The following GPM6A variants were observed in gnomAD, a reference collection of about 807,000 sequenced individuals.
The protein encoded by GPM6A is glycoprotein M6A, also known as neuronal membrane glycoprotein M6-a.
GPM6A carries 7 observed loss-of-function variants against 32.1 expected under a neutral mutation model. The ratio of observed to expected loss-of-function variants is 0.22; its 90% CI spans 0.12 to 0.41. GPM6A has a LOEUF of 0.41. Ranked by LOEUF, GPM6A falls within the 10% of genes least tolerant of loss-of-function variation. The probability of loss-of-function intolerance (pLI) is 1.00; values close to 1 mark genes in which losing one functional copy is unlikely to be tolerated. For synonymous variants in GPM6A, 130 were observed against 123.4 expected, an observed-to-expected ratio of 1.05 and a Z score of -0.35; for missense variants, 235 against 347.2, an observed-to-expected ratio of 0.68 and a Z score of 2.57.
chr4:175,747,122 T>C (rs1732136138), intron 1 of GPM6A, among the ~76,000 whole-genome samples: 1 of 151,808 alleles, frequency 6.6e-6, no homozygotes, highest in East Asian at 1.9e-4. Context: ...ATGCAAAAAT[T>C]AGCTGGGCGT....
chr4:175,735,081 C>T (rs1359148580), intron 1 of GPM6A, among the ~76,000 whole-genome samples: 1 of 152,096 alleles, frequency 6.6e-6, no homozygotes, highest in East Asian at 1.9e-4. Context: ...GCATTTGGTG[C>T]AACTTATAAT....
At chr4:175,962,899 T>C (rs1740212197) in intron 1 of GPM6A, among the ~76,000 whole-genome samples, 1 of 151,944 alleles carries the variant, frequency 6.6e-6, no homozygotes, top group Non-Finnish European at 1.5e-5. Context: ...ACAACTATGA[T>C]TAATAAGGAC....
intron 1 of GPM6A, among the ~76,000 whole-genome samples, chr4:175,896,925 T>C (rs1245197551): frequency 6.6e-6 from 1 of 152,134 alleles, no homozygotes; most frequent in Non-Finnish European, 1.5e-5. Context: ...TTGAATAGTG[T>C]ATCAGGGAAA....
At chr4:175,866,015 TTA>T (rs1736722514) in intron 1 of GPM6A, among the ~76,000 whole-genome samples, 1 of 152,244 alleles carries the variant, frequency 6.6e-6, no homozygotes, top group Admixed American at 6.5e-5. Flanking sequence ...CTATTACAAT[TTA>T]TATGTTTTCT....
chr4:175,872,871 T>C (rs1171789049), intron 1 of GPM6A: 1 of 152,174 alleles, frequency 6.6e-6, no homozygotes, highest in African/African-American at 2.4e-5. Context: ...GAGTTCTTTC[T>C]AACAAGTCTT....
chr4:175,788,167 G>C (rs998090820), intron 1 of GPM6A: 1 of 152,160 alleles, frequency 6.6e-6, no homozygotes, highest in South Asian at 2.1e-4. Context: ...ATGGAAAGGG[G>C]AGAGAGAGGA....
In GPM6A at chr4:175,913,478, C is replaced by T. The variant is rs532707423; in HGVS notation, c.-23+88831G>A. ...GATTGATCATGCCTTTGCTCACAAC[C>T]CTGCAAAGGTTCCCATTTCATTCAG... On this transcript the variant is annotated intron_variant, in intron 1 of 7. Coordinates refer to the GPM6A transcript ENST00000280187. 2.6e-4 allele frequency among the ~76,000 whole-genome samples: 40 copies of T among 152,282 alleles called. 2 individuals are homozygous for T. The highest frequency in any genetic ancestry group is 9.4e-4 in the African/African-American group (39 of 41,554).
At chr4:175,708,825 T>G (rs1745365058) in intron 1 of GPM6A, among the ~76,000 whole-genome samples, 1 of 152,216 alleles carries the variant, frequency 6.6e-6, no homozygotes, top group Non-Finnish European at 1.5e-5. Flanking sequence ...TTTTGCTTTC[T>G]TGTTTTCTAG....
upstream of GPM6A, among the ~76,000 whole-genome samples, chr4:175,815,402 T>C (rs2111339120): frequency 6.6e-6 from 1 of 152,348 alleles, no homozygotes; most frequent in Admixed American, 6.5e-5. Flanking sequence ...CTCCAGTATC[T>C]TAAACTAGTT....
chr4:175,713,749 T>C (rs1745681797), intron 1 of GPM6A, among the ~76,000 whole-genome samples: 1 of 152,186 alleles, frequency 6.6e-6, no homozygotes, highest in Non-Finnish European at 1.5e-5. Flanking sequence ...GAAACATCTT[T>C]AAACAGGAAA....
rs200551805 is a variant in GPM6A, at chr4:175,987,993, G to GA, written c.-23+14315dup. On this transcript the variant is annotated intron_variant, in intron 1 of 7. Coordinates refer to the GPM6A transcript ENST00000280187. Reference sequence around the variant, plus strand: ...GAATTATTTGTTAGTTGTGAAAAGAGAAAAAATCCATTTGTATTTATAAAT... The same window carrying GA: ...GAATTATTTGTTAGTTGTGAAAAGAGAAAAAAATCCATTTGTATTTATAAAT... 7.7e-3 allele frequency among the ~76,000 whole-genome samples: 1,171 copies of GA among 152,046 alleles called. 22 individuals carry two copies. Among genetic ancestry groups the GA allele is most frequent in the African/African-American group, 0.027 (1,121 of 41,520 alleles).
chr4:175,820,853 G>C (rs761124767), intron 1 of GPM6A, among the ~76,000 whole-genome samples: 1 of 152,074 alleles, frequency 6.6e-6, no homozygotes. Context: ...GTCTCTTTTC[G>C]CAACTTCTTC....
At chr4:175,637,366 CATATA>C (rs1484844064) in intron 6 of GPM6A, among the ~76,000 whole-genome samples, 4 of 49,082 alleles carry the variant, frequency 8.1e-5, no homozygotes, top group East Asian at 4.9e-4. Context: ...TAATATATAA[CATATA>C]ATATATTATA....
At chr4:175,725,534 C>T (rs1329277011) in intron 1 of GPM6A, among the ~76,000 whole-genome samples, 1 of 152,118 alleles carries the variant, frequency 6.6e-6, no homozygotes, top group Non-Finnish European at 1.5e-5. Context: ...TCAAGAGATC[C>T]TCCCATCTCA....
chr4:175,743,903 C>T (rs937933937), intron 1 of GPM6A, among the ~76,000 whole-genome samples: 1 of 147,302 alleles, frequency 6.8e-6, no homozygotes, highest in African/African-American at 2.5e-5. Context: ...GGAAAATGAA[C>T]AAATGTAAAG....
intron 3 of GPM6A, among the ~76,000 whole-genome samples, chr4:175,658,930 T>C (rs1210558493): frequency 6.6e-6 from 1 of 152,148 alleles, no homozygotes; most frequent in Non-Finnish European, 1.5e-5. Context: ...AAATGATCTG[T>C]GAAACAGTCT....
intron 1 of GPM6A, among the ~76,000 whole-genome samples, chr4:175,936,012 A>C (rs1210513805): frequency 6.6e-6 from 1 of 151,968 alleles, no homozygotes; most frequent in Non-Finnish European, 1.5e-5. Flanking sequence ...AAAATAAAAA[A>C]AATTAAAAAA....
intron 1 of GPM6A, among the ~76,000 whole-genome samples, chr4:175,855,706 A>G (rs1736395232): frequency 6.6e-6 from 1 of 152,220 alleles, no homozygotes; most frequent in Non-Finnish European, 1.5e-5. Context: ...GGAAATTTAT[A>G]AATCAGCAAG....
At chr4:175,974,097 G>A (rs1740587838) in intron 1 of GPM6A, among the ~76,000 whole-genome samples, 1 of 152,114 alleles carries the variant, frequency 6.6e-6, no homozygotes, top group South Asian at 2.1e-4. Flanking sequence ...GCTGGGCGTG[G>A]TGGCGCACAC....
Sources: gnomAD v4.1 joint callset for allele counts (sites outside exome capture counted in the v4.1 genomes callset) on GRCh38, gnomAD v4.1.1 for gene constraint, MANE v1.5 for transcripts, NCBI Gene and HGNC (gene_info 2026-07-23, HGNC 2026-07-21) for gene names.